Variants in ATXN7 observed in about 807,000 individuals in gnomAD.
ATXN7 encodes ataxin 7.
ATXN7 carries 12 observed loss-of-function variants against 70.5 expected under a neutral mutation model. The ratio of observed to expected loss-of-function variants is 0.17; its 90% confidence interval spans 0.11 to 0.28. The LOEUF is 0.28. ATXN7 is among the 10% of genes least tolerant of loss of function. The pLI is 1.00. For missense variants in ATXN7, 1,256 were observed against 1,131.7 expected (o/e 1.11, Z -1.58); for synonymous variants, 498 against 448.7 (o/e 1.11, Z -1.39).
At chr3:63,871,818 A>G (rs1387948843) in intron 1 of ATXN7, among the ~76,000 whole-genome samples, 1 of 152,174 alleles carries the variant, frequency 6.6e-6, no homozygotes, top group African/African-American at 2.4e-5. Flanking sequence ...CTAAAACTAT[A>G]ATTTTGATTA....
At chr3:63,938,379 TC>T (rs1243189700) in intron 4 of ATXN7, among the ~76,000 whole-genome samples, 2 of 152,156 alleles carry the variant, frequency 1.3e-5, no homozygotes, top group Non-Finnish European at 2.9e-5. Context: ...CTGCACCTAA[TC>T]TGTTTAAACA....
intron 4 of ATXN7, among the ~76,000 whole-genome samples, chr3:63,941,816 G>A (rs1409249211): frequency 6.6e-6 from 1 of 152,042 alleles, no homozygotes; most frequent in African/African-American, 2.4e-5. Context: ...CTTATGGAAG[G>A]TGGAAATAAA....
intron 12 of ATXN7, chr3:63,997,618 C>T (rs1227341142): frequency 1.3e-6 from 2 of 1,550,890 alleles, no homozygotes; most frequent in Admixed American, 2.0e-5. Context: ...TTTTATTCAT[C>T]AGGATATCTC....
intron 5 of ATXN7, among the ~76,000 whole-genome samples, chr3:63,967,369 A>G (rs1201420144): frequency 6.6e-6 from 1 of 152,250 alleles, no homozygotes; most frequent in Non-Finnish European, 1.5e-5. Context: ...AAGGAAAAGT[A>G]TGCTTAGGAA....
chr3:63,980,924 C>T (rs1017943528), intron 6 of ATXN7, among the ~76,000 whole-genome samples: 7 of 152,172 alleles, frequency 4.6e-5, no homozygotes, highest in African/African-American at 1.7e-4. Context: ...ATGGCTTTGG[C>T]AAGTTTCCAT....
intron 1 of ATXN7, among the ~76,000 whole-genome samples, chr3:63,869,773 T>G (rs1702542971): frequency 6.6e-6 from 1 of 152,226 alleles, no homozygotes. Context: ...TCATCCTTAT[T>G]CCCACTTAGA....
At chr3:63,892,495 C>CCACACACACA (rs376915162) in intron 1 of ATXN7, among the ~76,000 whole-genome samples, 2 of 126,894 alleles carry the variant, frequency 1.6e-5, no homozygotes, top group East Asian at 2.2e-4. Flanking sequence ...ACACACACAC[C>CCACACACACA]CACACACACA....
intron 4 of ATXN7, among the ~76,000 whole-genome samples, chr3:63,929,328 A>G (rs1464807415): frequency 7.0e-6 from 1 of 142,596 alleles, no homozygotes; most frequent in Non-Finnish European, 1.5e-5. Context: ...GCTGGAGTGC[A>G]GTGGCGCCAT....
chr3:63,961,525 T>G (rs892606403), intron 5 of ATXN7, among the ~76,000 whole-genome samples: 1 of 152,188 alleles, frequency 6.6e-6, no homozygotes, highest in Admixed American at 6.6e-5. Flanking sequence ...CAGTTCTGAT[T>G]TGGGTTGCCA....
At chr3:63,915,842 T>G (rs969721623) in intron 4 of ATXN7, among the ~76,000 whole-genome samples, 2 of 151,938 alleles carry the variant, frequency 1.3e-5, no homozygotes, top group Non-Finnish European at 2.9e-5. Flanking sequence ...CCACCACACC[T>G]GGCTAATTTT....
At chr3:63,930,914 C>T (rs779091445) in intron 4 of ATXN7, among the ~76,000 whole-genome samples, 1 of 152,064 alleles carries the variant, frequency 6.6e-6, no homozygotes, top group Non-Finnish European at 1.5e-5. Context: ...AGACAGGTGG[C>T]TACTTCTGTG....
chr3:63,890,148 C>T (rs921639831), intron 1 of ATXN7, among the ~76,000 whole-genome samples: 2 of 152,148 alleles, frequency 1.3e-5, no homozygotes, highest in African/African-American at 4.8e-5. Context: ...CTGAAATAAA[C>T]AGCATCCTAA....
At chr3:63,887,182 A>G (rs1175783512) in intron 1 of ATXN7, among the ~76,000 whole-genome samples, 1 of 152,290 alleles carries the variant, frequency 6.6e-6, no homozygotes, top group East Asian at 1.9e-4. Flanking sequence ...AGATACAGGG[A>G]ATCAGGGGGC....
chr3:63,895,804 T>C (rs1288353953), intron 1 of ATXN7, among the ~76,000 whole-genome samples: 1 of 151,904 alleles, frequency 6.6e-6, no homozygotes, highest in Non-Finnish European at 1.5e-5. Flanking sequence ...TCTCTCTGTG[T>C]CTCTCTCTCT....
intron 2 of ATXN7, among the ~76,000 whole-genome samples, chr3:63,903,529 CAAAA>C (rs1184969208): frequency 6.7e-6 from 1 of 150,358 alleles, no homozygotes; most frequent in East Asian, 2.0e-4. Context: ...TAAAAACAAA[CAAAA>C]AGTTGAAAAG....
rs149105403 is a variant in ATXN7, at chr3:63,983,885, C to A, written c.1095+864C>A. Among the ~76,000 whole-genome samples, 1,288 of 152,180 alleles carry A rather than the reference C, an allele frequency of 8.5e-3. 16 individuals are homozygous for A. Among genetic ancestry groups the A allele is most frequent in the African/African-American group, 0.028 (1,143 of 41,514 alleles). ...GATAGGTTCAAGAAGCATTCAGAGT[C>A]ACTGCTTTGAAGTATGTAATTTTAA... On this transcript the variant is annotated intron_variant, in intron 8 of 12. Transcript: ENST00000674280.
At chr3:63,992,234 G>A (rs1451481520) in intron 11 of ATXN7, among the ~76,000 whole-genome samples, 10 of 152,174 alleles carry the variant, frequency 6.6e-5, no homozygotes, top group African/African-American at 1.2e-4. Context: ...ACTTACATCC[G>A]TTTCCTTAGA....
At chr3:63,982,149 A>G (rs1479658339) in intron 6 of ATXN7, 37 bp from the exon 7 acceptor site, 1 of 1,612,748 alleles carries the variant, frequency 6.2e-7, no homozygotes, top group Admixed American at 1.7e-5. Context: ...CTGCTGAGGC[A>G]CTCAGGCACT....
intron 1 of ATXN7, among the ~76,000 whole-genome samples, chr3:63,869,105 C>T (rs1476021518): frequency 6.6e-6 from 1 of 152,178 alleles, no homozygotes; most frequent in Non-Finnish European, 1.5e-5. Flanking sequence ...TCTACTATTT[C>T]TATAGTCTTA....
Sources: gnomAD v4.1 joint callset for allele counts (sites outside exome capture counted in the v4.1 genomes callset) on GRCh38, gnomAD v4.1.1 for gene constraint, MANE v1.5 for transcripts, NCBI Gene and HGNC (gene_info 2026-07-23, HGNC 2026-07-21) for gene names.